Variants in PCDHGB3 observed in about 807,000 individuals in gnomAD.
PCDHGB3 encodes protocadherin gamma subfamily B, 3, also known as protocadherin gamma-B3.
A neutral mutation model predicts 59.2 loss-of-function variants in PCDHGB3; 40 were observed. That is an observed-to-expected ratio of 0.68 (90% CI 0.52 to 0.88). The LOEUF (loss-of-function observed/expected upper bound fraction) is 0.88. Ranked by LOEUF, PCDHGB3 falls within the 40% of genes least tolerant of loss-of-function variation. The pLI, the probability that PCDHGB3 is intolerant of heterozygous loss-of-function variation, is 0.00. For missense variants in PCDHGB3, 1,309 were observed against 1,187.9 expected (o/e 1.10, Z -1.50); for synonymous variants, 581 against 503.6 (o/e 1.15, Z -2.06).
chr5:141,394,018 A>T (rs2092900242), intron 1 of PCDHGB3: 1 of 1,613,496 alleles, frequency 6.2e-7, no homozygotes. Flanking sequence ...GGTAATTATT[A>T]TAGATTAGTG....
intron 1 of PCDHGB3, among the ~76,000 whole-genome samples, chr5:141,380,589 G>C (rs1372737584): frequency 6.6e-6 from 1 of 152,156 alleles, no homozygotes; most frequent in South Asian, 2.1e-4. Flanking sequence ...GTCTAGTAAA[G>C]ATCTTTAATA....
intron 3 of PCDHGB3, chr5:141,508,363 A>G (rs996562348): frequency 1.3e-5 from 2 of 152,230 alleles, no homozygotes; most frequent in Non-Finnish European, 2.9e-5. Flanking sequence ...TGGCAATCCA[A>G]CTTCTTCCCC....
At chr5:141,418,687 G>T (rs758554600) in intron 1 of PCDHGB3, 1 of 1,613,928 alleles carries the variant, frequency 6.2e-7, no homozygotes, top group African/African-American at 1.3e-5. Context: ...TCAACTCAGA[G>T]ATCACTTATT....
chr5:141,381,702 C>CT (rs1561588740), intron 1 of PCDHGB3, among the ~76,000 whole-genome samples: 1 of 151,968 alleles, frequency 6.6e-6, no homozygotes, highest in Admixed American at 6.6e-5. Flanking sequence ...CGATTTCTTT[C>CT]TTTTTTTCTC....
At chr5:141,414,640 G>A (rs1035735674) in intron 1 of PCDHGB3, 2 of 1,613,838 alleles carry the variant, frequency 1.2e-6, no homozygotes, top group Non-Finnish European at 1.7e-6. Flanking sequence ...CAAAGAGAAT[G>A]CCCAGATTAT....
Position 141,370,538 on chromosome 5 carries a change from G to A in PCDHGB3, c.144G>A (p.Gly48=). 5 of 1,613,906 alleles carry A rather than the reference G, an allele frequency of 3.1e-6. No homozygotes were observed. The highest frequency in any genetic ancestry group is 4.2e-6 in the Non-Finnish European group (5 of 1,179,864). Residue 48 remains glycine, a synonymous_variant, in exon 1 of 4, where the codon GGG becomes GGA. Coordinates refer to ENST00000576222, the MANE Select transcript of PCDHGB3 (RefSeq NM_018924.5). ...PEELDRGSLV[G]NLAKDLGFGV... ...AGCTGGACAGGGGCTCGCTGGTAGG[G>A]AACCTCGCCAAGGACCTGGGGTTTG... is the stretch of plus-strand genomic sequence containing the variant.
intron 1 of PCDHGB3, chr5:141,413,071 G>A (rs1589838233): frequency 1.7e-6 from 2 of 1,211,262 alleles, no homozygotes; most frequent in Admixed American, 2.8e-5. Flanking sequence ...AATTTAAAGT[G>A]CCCAGGCTAC....
intron 1 of PCDHGB3, chr5:141,413,350 G>C: frequency 6.2e-7 from 1 of 1,613,974 alleles, no homozygotes; most frequent in South Asian, 1.1e-5. Context: ...CTTGGGTCTG[G>C]CGCCCCGGGA....
rs776079289 is a variant in PCDHGB3 at position 141,423,264 on chromosome 5, CGAGTCTCT to C, written c.2415+50457_2415+50464del. The C allele has an allele frequency of 9.8e-5, 158 of 1,613,986 alleles. 1 individual carries two copies. The African/African-American group carries it at 1.9e-3, about 20-fold the overall frequency. ...AAGTCCTGGCGGACCTCGGCAGCCT[CGAGTCTCT>C]GGCTAACTCTGAAACCTCAGACCTC... On this transcript the variant is annotated intron_variant, in intron 1 of 3. Transcript: ENST00000576222.
In PCDHGB3 at chr5:141,423,130, G is replaced by T. The variant is rs770258338; in HGVS notation, c.2415+50321G>T. The T allele has an allele frequency of 2.5e-6, 4 of 1,613,700 alleles. No homozygotes were observed. Among genetic ancestry groups the T allele is most frequent in the Non-Finnish European group, 2.5e-6 (3 of 1,179,952 alleles). ...GGTGCGTACAGCGCGGGCACTGCTG[G>T]ACAGAGACGCGCTCAAGCAGAGCCT... On this transcript the variant is annotated intron_variant, in intron 1 of 3. Coordinates refer to ENST00000576222, the MANE Select transcript of PCDHGB3 (RefSeq NM_018924.5).
chr5:141,429,105 C>A (rs936114624), intron 1 of PCDHGB3: 2 of 152,318 alleles, frequency 1.3e-5, no homozygotes, highest in African/African-American at 4.8e-5. Flanking sequence ...CTGCCCGCCT[C>A]GGCCTCCCAA....
chr5:141,482,529 G>GAAAAAAAA (rs1256461887), intron 1 of PCDHGB3, among the ~76,000 whole-genome samples: 1 of 56,042 alleles, frequency 1.8e-5, no homozygotes, highest in Admixed American at 1.9e-4. Context: ...AGACAGACAT[G>GAAAAAAAA]CAAAAAAAAA....
chr5:141,374,491 A>G (rs749520440), intron 1 of PCDHGB3: 1 of 1,611,464 alleles, frequency 6.2e-7, no homozygotes, highest in Non-Finnish European at 8.5e-7. Context: ...TCTTAAAGGA[A>G]GAATTGGAAG....
chr5:141,448,706 C>G (rs1344013319), intron 1 of PCDHGB3, among the ~76,000 whole-genome samples: 1 of 151,732 alleles, frequency 6.6e-6, no homozygotes, highest in African/African-American at 2.4e-5. Context: ...TTTGGGAGGC[C>G]GAGGCGGGAG....
At chr5:141,441,725 C>T (rs2098268012) in intron 1 of PCDHGB3, 3 of 352,332 alleles carry the variant, frequency 8.5e-6, no homozygotes. Flanking sequence ...AGGCCCGCGA[C>T]CAGGACTAGC....
At position 141,421,580 on chromosome 5, in the gene PCDHGB3, A is replaced by G. The variant is rs375319424; in HGVS notation, c.2415+48771A>G. ...CTCGTGGAAGACACCTTGAAGATTT[A>G]CGGAGTGGAGGTGGAAATAATAGAT... On this transcript the variant is annotated intron_variant, in intron 1 of 3. Transcript: ENST00000576222. The G allele has an allele frequency of 1.1e-5, 17 of 1,613,782 alleles. No individual in the cohort carries two copies. In the East Asian group the frequency reaches 2.7e-4, roughly 25 times the overall value.
rs946434728 is a variant in PCDHGB3, at chr5:141,428,357, C to A, written c.2415+55548C>A. On this transcript the variant is annotated intron_variant, in intron 1 of 3. Coordinates refer to ENST00000576222, the MANE Select transcript of PCDHGB3 (RefSeq NM_018924.5). ...CTCTTCTTCCTCGCAGTGATTTTGG[C>A]GGTCGCCTTGCACCTGCGATGCTCT... is the stretch of plus-strand genomic sequence containing the variant. The A allele has an allele frequency of 1.2e-5, 7 of 565,506 alleles. No individual in the cohort carries two copies. The East Asian group carries it at 2.0e-4, about 16-fold the overall frequency. The allele number at this position is 565,506 out of a possible 1,614,324, so 35.0% of individuals were successfully genotyped here.
rs2099697431 is a variant in PCDHGB3 at position 141,490,222 on chromosome 5, C to T, written c.2416-4585C>T. The T allele has an allele frequency of 6.2e-7, 1 of 1,614,094 alleles. No homozygotes were observed. Among genetic ancestry groups the T allele is most frequent in the African/African-American group, 1.3e-5 (1 of 74,934 alleles). On this transcript the variant is annotated intron_variant, in intron 1 of 3. Coordinates refer to ENST00000576222, the MANE Select transcript of PCDHGB3 (RefSeq NM_018924.5). This position sits in a 1 kb window ranked among gnomAD's most constrained non-coding sequence, Gnocchi z 5.4. The stretch of plus-strand genomic sequence containing the variant: ...TGCAAGAGCCCGTGACCAGGGACAG[C>T]CTGCCATGGAGGGCCACTGTGTGAT...
At chr5:141,403,083 T>A (rs775664314) in intron 1 of PCDHGB3, 2 of 1,613,932 alleles carry the variant, frequency 1.2e-6, no homozygotes, top group East Asian at 4.5e-5. Flanking sequence ...AAGGGCTATA[T>A]TGTGGGCAAC....
Sources: gnomAD v4.1 joint callset for allele counts (sites outside exome capture counted in the v4.1 genomes callset) on GRCh38, gnomAD v4.1.1 for gene constraint, Gnocchi (gnomAD v3.1) non-coding constraint, MANE v1.5 for transcripts, NCBI Gene and HGNC (gene_info 2026-07-23, HGNC 2026-07-21) for gene names.